Variants in WDR26 observed in about 807,000 individuals in gnomAD.
WDR26 encodes the protein WD repeat domain 26, also known as WD repeat-containing protein 26.
Under a neutral mutation model 84.1 loss-of-function variants are expected in WDR26, and 5 were observed. The ratio of observed to expected loss-of-function variants is 0.06; its 90% CI spans 0.03 to 0.13. The LOEUF (loss-of-function observed/expected upper bound fraction) is 0.13, where lower values mean the gene tolerates loss of function less well. WDR26 is among the 10% of genes least tolerant of loss of function. The pLI, the probability that WDR26 is intolerant of heterozygous loss-of-function variation, is 1.00. For missense variants in WDR26, 642 were observed against 974.9 expected (o/e 0.66, Z 4.55); for synonymous variants, 415 against 389.6 (o/e 1.07, Z -0.77).
chr1:224,426,666 CAA>C (rs573328756), intron 3 of WDR26, among the ~76,000 whole-genome samples: 12 of 104,252 alleles, frequency 1.2e-4, no homozygotes, highest in South Asian at 5.7e-4. Context: ...CTAAACAATG[CAA>C]AAAAAAAAAA....
intron 6 of WDR26, among the ~76,000 whole-genome samples, chr1:224,417,611 T>C (rs1013843483): frequency 1.3e-5 from 2 of 152,168 alleles, no homozygotes; most frequent in Non-Finnish European, 2.9e-5. Flanking sequence ...AAGGCTGAGG[T>C]GAGTGGATCA....
chr1:224,419,048 A>G (rs565363554), intron 5 of WDR26, among the ~76,000 whole-genome samples: 1 of 152,364 alleles, frequency 6.6e-6, no homozygotes, highest in African/African-American at 2.4e-5. Context: ...ATAGAATCAT[A>G]TAATTTTCAG....
Position 224,401,677 on chromosome 1 carries a change from AAAAAAAAAAAAAG to A in WDR26, c.1600-621_1600-609del, listed in dbSNP as rs1400658542. Among the ~76,000 whole-genome samples, 285 of 113,950 alleles carry A rather than the reference AAAAAAAAAAAAAG, an allele frequency of 2.5e-3. 1 individual carries two copies. The highest frequency in any genetic ancestry group is 0.01 in the African/African-American group (266 of 25,732). 74.8% of individuals were successfully genotyped at this position (113,950 alleles called of 152,430 possible). Reference sequence around the variant, plus strand: ...TGACAGAGTGAGACTGTCTCAAAAAAAAAAAAAAAAAAGAAAAAAAAAAAGAAAAAAGAAAAAA... The same window carrying A: ...TGACAGAGTGAGACTGTCTCAAAAAAAAAAAAAAAAAGAAAAAAGAAAAAA... On this transcript the variant is annotated intron_variant, in intron 8 of 13. Coordinates refer to ENST00000414423, the MANE Select transcript of WDR26 (RefSeq NM_001379403.1).
chr1:224,386,662 A>T lies in WDR26; in HGVS notation c.*3173T>A, dbSNP rs1672998424. 6.6e-6 allele frequency: 1 copy of T among 152,256 alleles called. No homozygotes were observed. Among genetic ancestry groups the T allele is most frequent in the Non-Finnish European group, 1.5e-5 (1 of 67,972 alleles). 9.4% of individuals were successfully genotyped at this position (152,256 alleles called of 1,614,324 possible). A position where few individuals can be genotyped will look rare whatever the true frequency, so the allele number is the denominator to read the frequency against. ...ACTAAGAAAATACTGACAAAATTGG[A>T]TTTTTTTCTCCTTTCAATTGCAGGA... On this transcript the variant is annotated 3_prime_UTR_variant, in exon 14 of 14. Transcript: ENST00000414423.
intron 8 of WDR26, among the ~76,000 whole-genome samples, chr1:224,403,515 ACTGAC>A (rs1011607818): frequency 6.6e-6 from 1 of 152,248 alleles, no homozygotes; most frequent in African/African-American, 2.4e-5. Context: ...CAAGGAAATG[ACTGAC>A]AGCAAGGCAG....
intron 13 of WDR26, 51 bp downstream of exon 13, chr1:224,393,777 G>A (rs373006606): frequency 1.5e-5 from 21 of 1,390,592 alleles, no homozygotes; most frequent in South Asian, 7.2e-5. Flanking sequence ...ATAATAAGCC[G>A]AGTGATGTTT....
At chr1:224,390,268 T>C (rs1357632236) in intron 13 of WDR26, among the ~76,000 whole-genome samples, 2 of 152,206 alleles carry the variant, frequency 1.3e-5, no homozygotes, top group Non-Finnish European at 2.9e-5. Flanking sequence ...TACAGGCACA[T>C]GCCACCATGC....
rs1347388214 is a variant in WDR26 at position 224,398,378 on chromosome 1, C to T, written c.1944+137G>A. On this transcript the variant is annotated intron_variant, in intron 11 of 13. Coordinates refer to ENST00000414423, the MANE Select transcript of WDR26 (RefSeq NM_001379403.1). ...TGACAAATTTATGGTTGATTATACACATTTAAGGATCAATCACATGCAATC... is the reference window on the plus strand; with the variant it reads ...TGACAAATTTATGGTTGATTATACATATTTAAGGATCAATCACATGCAATC... The T allele has an allele frequency of 2.4e-6, 3 of 1,247,966 alleles. No homozygotes were observed. In the Admixed American group the frequency reaches 8.5e-5, roughly 35 times the overall value. 77.3% of individuals were successfully genotyped at this position (1,247,966 alleles called of 1,614,324 possible). A position where few individuals can be genotyped will look rare whatever the true frequency, so the allele number is the denominator to read the frequency against.
At chr1:224,428,904 CA>C (rs34399474) in intron 3 of WDR26, among the ~76,000 whole-genome samples, 37,116 of 114,586 alleles carry the variant, frequency 0.32, 5,704 homozygotes, top group African/African-American at 0.5. Flanking sequence ...AACTCCATCT[CA>C]AAAAAAAAAA....
At chr1:224,407,151 A>T (rs866610293) in intron 7 of WDR26, among the ~76,000 whole-genome samples, 2,858 of 11,812 alleles carry the variant, frequency 0.24, 677 homozygotes, top group Middle Eastern at 0.43. Context: ...AAAAAAAAAA[A>T]ATATATATAT....
At chr1:224,421,598 A>G (rs186193233) in intron 4 of WDR26, among the ~76,000 whole-genome samples, 55 of 152,268 alleles carry the variant, frequency 3.6e-4, no homozygotes, top group African/African-American at 1.0e-3. Flanking sequence ...TCAAAAAAAA[A>G]GGTAATCGGA....
At chr1:224,395,642 A>ATTTC (rs1673239733) in intron 12 of WDR26, among the ~76,000 whole-genome samples, 1 of 151,498 alleles carries the variant, frequency 6.6e-6, no homozygotes, top group Admixed American at 6.6e-5. Context: ...GGTTAGCTGT[A>ATTTC]TTTCCTTCCT....
intron 6 of WDR26, among the ~76,000 whole-genome samples, chr1:224,415,385 T>C (rs1558433971): frequency 6.6e-6 from 1 of 152,020 alleles, no homozygotes; most frequent in Admixed American, 6.5e-5. Flanking sequence ...TGTATCTAGT[T>C]GTCATTAGAA....
intron 7 of WDR26, among the ~76,000 whole-genome samples, chr1:224,410,694 C>CTTTTTTTTTTT (rs397983007): frequency 3.4e-5 from 4 of 118,940 alleles, no homozygotes; most frequent in African/African-American, 6.6e-5. Context: ...ATCTTTCTTT[C>CTTTTTTTTTTT]TTTTTTTTTT....
At chr1:224,430,397 ATTC>A (rs1217923975) in intron 3 of WDR26, 1 of 152,170 alleles carries the variant, frequency 6.6e-6, no homozygotes, top group Non-Finnish European at 1.5e-5. Flanking sequence ...ATTTGCATTT[ATTC>A]TTGCTTGTTT....
Position 224,431,746 on chromosome 1 carries a change from C to T in WDR26, c.758G>A (p.Cys253Tyr), listed in dbSNP as rs1326943804. 1 of 1,613,840 alleles carries T rather than the reference C, an allele frequency of 6.2e-7. No individual in the cohort carries two copies. Among genetic ancestry groups the T allele is most frequent in the Non-Finnish European group, 8.5e-7 (1 of 1,179,812 alleles). ...GGTAGCAGAAGGATGTTCTAAACGA[C>T]ATCCTGACTCTTGCATGAGGAGATC... Residue 253 changes from cysteine (C) to tyrosine (Y), a missense_variant, in exon 2 of 14, where the codon TGT becomes TAT. Transcript: ENST00000414423.
At chr1:224,416,301 C>T (rs1223727736) in intron 6 of WDR26, among the ~76,000 whole-genome samples, 7 of 151,980 alleles carry the variant, frequency 4.6e-5, no homozygotes, top group South Asian at 2.1e-4. Flanking sequence ...GATCTCAGCT[C>T]ATTGCAAGCT....
rs767892804 is a variant in WDR26 at position 224,431,804 on chromosome 1, A to AT, written c.723-24_723-23insA. The AT allele has an allele frequency of 4.9e-5, 77 of 1,564,282 alleles. No individual in the cohort carries two copies. In the Admixed American group the frequency reaches 1.3e-3, roughly 27 times the overall value. ...TGGCTGCAGGAAAGATACAGTGTAAAACAGACCTGACCAATTTTAGGGTTT... is the reference window on the plus strand; with the variant it reads ...TGGCTGCAGGAAAGATACAGTGTAAATACAGACCTGACCAATTTTAGGGTTT... On this transcript the variant is annotated intron_variant, in intron 1 of 13. Coordinates refer to ENST00000414423, the MANE Select transcript of WDR26 (RefSeq NM_001379403.1).
intron 4 of WDR26, among the ~76,000 whole-genome samples, chr1:224,424,083 A>AT (rs1266257994): frequency 6.6e-6 from 1 of 152,176 alleles, no homozygotes; most frequent in Non-Finnish European, 1.5e-5. Context: ...TGTTGATGTG[A>AT]GGATTAAATG....
Sources: allele counts gnomAD v4.1 joint callset (sites outside exome capture counted in the v4.1 genomes callset), GRCh38; gene constraint gnomAD v4.1.1; transcripts MANE v1.5; gene names NCBI Gene and HGNC (gene_info 2026-07-23, HGNC 2026-07-21).